Variants in TENM3 observed in about 807,000 individuals in gnomAD.
TENM3 encodes teneurin-3.
In TENM3, 63 loss-of-function variants were observed where a neutral mutation model predicts 255.1. The ratio of observed to expected loss-of-function variants is 0.25; its 90% CI spans 0.20 to 0.30. TENM3 has a LOEUF of 0.30. Ranked by LOEUF, TENM3 falls within the 10% of genes least tolerant of loss-of-function variation. TENM3 has a pLI of 1.00. For missense variants in TENM3, 2,929 were observed against 3,461.1 expected (o/e 0.85, Z 3.86); for synonymous variants, 1,306 against 1,322.3 (o/e 0.99, Z 0.27).
At chr4:182,136,363 T>C in the TENM3 span, among the ~76,000 whole-genome samples, 1 of 152,212 alleles carries the variant, frequency 6.6e-6, no homozygotes, top group East Asian at 1.9e-4. Flanking sequence ...GCTATTGTTG[T>C]TCTTTTTTCA....
chr4:182,325,772 A>G (rs1172571198), intron 2 of TENM3, among the ~76,000 whole-genome samples: 1 of 152,180 alleles, frequency 6.6e-6, no homozygotes, highest in Non-Finnish European at 1.5e-5. Flanking sequence ...AAAAAAACCC[A>G]AACTCCACAT....
chr4:181,703,735 T>C, the TENM3 span, among the ~76,000 whole-genome samples: 15 of 152,340 alleles, frequency 9.8e-5, 1 homozygote, highest in African/African-American at 3.1e-4. Context: ...TAATTTTCGT[T>C]TTCCTCTTGG....
chr4:182,405,735 C>T (rs1382214407), intron 3 of TENM3, among the ~76,000 whole-genome samples: 1 of 152,010 alleles, frequency 6.6e-6, no homozygotes, highest in Non-Finnish European at 1.5e-5. Flanking sequence ...GAGAGTTGCG[C>T]TAGGCATTGA....
chr4:182,324,150 A>G lies in TENM3; in HGVS notation c.130A>G (p.Ser44Gly). ...RVPTQKSYSSSETLKAFDHDS... is the reference protein window; with the variant it reads ...RVPTQKSYSSGETLKAFDHDS... Reference sequence around the variant, plus strand: ...ACCCACACAGAAGTCCTACAGTTCCAGCGAGACATTGAAAGCTTTTGATCA... The same window carrying G: ...ACCCACACAGAAGTCCTACAGTTCCGGCGAGACATTGAAAGCTTTTGATCA... Residue 44 changes from serine (S) to glycine (G), a missense_variant, in exon 2 of 28, where the codon AGC becomes GGC. By Grantham distance (56) the Ser-to-Gly change is moderately conservative. This residue lies in a region of TENM3 where 283 missense variants were observed against 256.9 expected (regional missense o/e 1.10). Transcript: ENST00000511685. 6.2e-7 allele frequency: 1 copy of G among 1,614,068 alleles called. No individual in the cohort carries two copies. The highest frequency in any genetic ancestry group is 1.1e-5 in the South Asian group (1 of 91,086).
chr4:182,025,859 G>T, the TENM3 span, among the ~76,000 whole-genome samples: 2 of 151,948 alleles, frequency 1.3e-5, no homozygotes, highest in Non-Finnish European at 2.9e-5. Flanking sequence ...AACTTCTAGG[G>T]TACATGTGCA....
At chr4:182,763,552 C>G (rs1174728291) in intron 22 of TENM3, among the ~76,000 whole-genome samples, 1 of 122,306 alleles carries the variant, frequency 8.2e-6, no homozygotes, top group Non-Finnish European at 1.8e-5. Context: ...GAGACTCCGT[C>G]TCAAAAAAAA....
At chr4:182,142,480 G>C (rs1184459219), upstream of TENM3, 1 of 167,230 alleles carries the variant, frequency 6.0e-6, no homozygotes, top group Non-Finnish European at 1.5e-5. Context: ...GCTTTCCTAG[G>C]AGGCGTCGTC....
the TENM3 span, among the ~76,000 whole-genome samples, chr4:182,116,844 G>C: frequency 6.6e-6 from 1 of 152,172 alleles, no homozygotes; most frequent in Non-Finnish European, 1.5e-5. Context: ...GTTTTGGAGA[G>C]TGTGCTTGGT....
At chr4:182,458,339 G>T (rs1246094972) in intron 3 of TENM3, among the ~76,000 whole-genome samples, 1 of 152,058 alleles carries the variant, frequency 6.6e-6, no homozygotes, top group Non-Finnish European at 1.5e-5. Context: ...GGTTTTTATT[G>T]AACCTGGCAA....
At chr4:182,106,612 T>G in the TENM3 span, among the ~76,000 whole-genome samples, 12 of 152,214 alleles carry the variant, frequency 7.9e-5, no homozygotes, top group African/African-American at 2.9e-4. Flanking sequence ...TTGGGTTTTA[T>G]TTCTTCAGTA....
At chr4:182,532,571 G>T (rs1192377971) in intron 3 of TENM3, among the ~76,000 whole-genome samples, 3 of 152,142 alleles carry the variant, frequency 2.0e-5, no homozygotes, top group African/African-American at 7.2e-5. Context: ...AGCTTGATTA[G>T]TTGATGAGAA....
chr4:181,888,520 ATATATACATATATGTG>A, the TENM3 span, among the ~76,000 whole-genome samples: 5 of 92,170 alleles, frequency 5.4e-5, no homozygotes, highest in African/African-American at 2.7e-4. Context: ...ATATATGTAT[ATATATACATATATGTG>A]TATATATATA....
chr4:182,426,724 A>T (rs1268322833), intron 3 of TENM3, among the ~76,000 whole-genome samples: 1 of 152,162 alleles, frequency 6.6e-6, no homozygotes, highest in East Asian at 1.9e-4. Context: ...ACCTCTTATT[A>T]TTCCATTATC....
At chr4:181,594,836 CA>C in the TENM3 span, among the ~76,000 whole-genome samples, 2 of 152,238 alleles carry the variant, frequency 1.3e-5, no homozygotes, top group South Asian at 4.1e-4. Context: ...ACACATCTCA[CA>C]AAAAATATAC....
At chr4:181,910,201 A>C in the TENM3 span, among the ~76,000 whole-genome samples, 1 of 152,188 alleles carries the variant, frequency 6.6e-6, no homozygotes, top group African/African-American at 2.4e-5. Context: ...ATGTGCACAC[A>C]CATTCTTTTC....
At chr4:181,716,060 G>T in the TENM3 span, among the ~76,000 whole-genome samples, 1 of 152,148 alleles carries the variant, frequency 6.6e-6, no homozygotes, top group Admixed American at 6.5e-5. Context: ...CTATTCATGT[G>T]TAACAAGCTA....
the TENM3 span, among the ~76,000 whole-genome samples, chr4:181,552,743 A>G: frequency 1.3e-5 from 2 of 152,370 alleles, no homozygotes; most frequent in East Asian, 3.9e-4. Context: ...GGACAGAAAC[A>G]GTAGTAGGAG....
At chr4:181,815,237 AG>A in the TENM3 span, among the ~76,000 whole-genome samples, 527 of 151,630 alleles carry the variant, frequency 3.5e-3, 4 homozygotes, top group African/African-American at 0.012. Context: ...GGATCACCTG[AG>A]GTCAGGAGTT....
the TENM3 span, among the ~76,000 whole-genome samples, chr4:181,760,741 C>G: frequency 6.7e-6 from 1 of 149,228 alleles, no homozygotes; most frequent in Non-Finnish European, 1.5e-5. Flanking sequence ...CCACTACCTT[C>G]CTCTTCTTCT....
Sources: allele counts gnomAD v4.1 joint callset (sites outside exome capture counted in the v4.1 genomes callset), GRCh38; gene constraint gnomAD v4.1.1; regional missense constraint gnomAD v4.1.1; transcripts MANE v1.5; gene names NCBI Gene and HGNC (gene_info 2026-07-23, HGNC 2026-07-21).